Variants in AP2S1 observed in about 807,000 individuals in gnomAD.
AP2S1 encodes adaptor related protein complex 2 subunit sigma 1.
A neutral mutation model predicts 21.0 loss-of-function variants in AP2S1; 6 were observed. The ratio of observed to expected loss-of-function variants is 0.29; its 90% CI spans 0.16 to 0.56. The LOEUF (loss-of-function observed/expected upper bound fraction) is 0.56. Ranked by LOEUF, AP2S1 falls within the 20% of genes least tolerant of loss-of-function variation. AP2S1 has a pLI of 0.92. For missense variants in AP2S1, 60 were observed against 186.2 expected, an observed-to-expected ratio of 0.32 and a Z score of 3.95; for synonymous variants, 63 against 74.6, an observed-to-expected ratio of 0.84 and a Z score of 0.80.
At chr19:46,850,723 C>A in intron 1 of AP2S1, 41 bp downstream of exon 1, 1 of 1,480,068 alleles carries the variant, frequency 6.8e-7, no homozygotes, top group Non-Finnish European at 9.4e-7. Flanking sequence ...TACGCGTGGG[C>A]CCCCCCTCCG....
At chr19:46,845,792 TA>T (rs2055621112) in intron 2 of AP2S1, 200 bp downstream of exon 2, 3 of 625,332 alleles carry the variant, frequency 4.8e-6, no homozygotes, top group Non-Finnish European at 8.2e-6. Flanking sequence ...TTCATTGTAC[TA>T]ATCTGTATGT....
chr19:46,842,602 C>G (rs1357527938), intron 2 of AP2S1, among the ~76,000 whole-genome samples: 1 of 152,150 alleles, frequency 6.6e-6, no homozygotes, highest in Non-Finnish European at 1.5e-5. Context: ...GACTTTCCGG[C>G]TGCCCCTGTA....
intron 2 of AP2S1, among the ~76,000 whole-genome samples, chr19:46,843,228 G>A (rs1361636031): frequency 6.6e-6 from 1 of 152,018 alleles, no homozygotes; most frequent in Non-Finnish European, 1.5e-5. Context: ...AACGCTCCTG[G>A]CCACACCGAC....
Position 46,839,447 on chromosome 19 carries a change from AT to A in AP2S1, c.267+17del. 6.4e-7 allele frequency: 1 copy of A among 1,572,640 alleles called. No homozygotes were observed. Reference sequence around the variant, plus strand: ...CTGCCCACCCGCCTCCCCACCTTACATCCCTCTCCCGCCGTACCTCCACGAA... The same window carrying A: ...CTGCCCACCCGCCTCCCCACCTTACACCCTCTCCCGCCGTACCTCCACGAA... On this transcript the variant is annotated intron_variant, in intron 3 of 4. Transcript: ENST00000263270.
At chr19:46,847,671 A>G (rs2055661160) in intron 1 of AP2S1, among the ~76,000 whole-genome samples, 2 of 151,970 alleles carry the variant, frequency 1.3e-5, no homozygotes, top group African/African-American at 4.8e-5. Context: ...TGTTCTGGAC[A>G]TTGTATATGA....
chr19:46,841,553 G>T (rs1027121435), intron 2 of AP2S1, among the ~76,000 whole-genome samples: 2 of 152,146 alleles, frequency 1.3e-5, no homozygotes, highest in Admixed American at 1.3e-4. Flanking sequence ...CCCCACCCCT[G>T]CCCTGCCCCA....
intron 2 of AP2S1, among the ~76,000 whole-genome samples, chr19:46,843,727 GA>G (rs1001455776): frequency 2.7e-5 from 4 of 150,576 alleles, no homozygotes; most frequent in South Asian, 2.1e-4. Context: ...CACCTGAAAA[GA>G]AAAAAAAATT....
chr19:46,845,456 TAAA>T (rs1200401004), intron 2 of AP2S1, among the ~76,000 whole-genome samples: 1 of 151,268 alleles, frequency 6.6e-6, no homozygotes, highest in Non-Finnish European at 1.5e-5. Flanking sequence ...TTCAATCAAA[TAAA>T]AAATAAAGAC....
intron 1 of AP2S1, 88 bp downstream of exon 1, chr19:46,850,676 A>T: frequency 8.3e-7 from 1 of 1,200,518 alleles, no homozygotes; most frequent in Non-Finnish European, 1.2e-6. Context: ...CGCGGCAGAG[A>T]AGGGACTTGT....
rs1161757429 is a variant in AP2S1 at position 46,838,669 on chromosome 19, G to C, written c.327+71C>G. On this transcript the variant is annotated intron_variant, in intron 4 of 4. Transcript: ENST00000263270. This position sits in a 1 kb window ranked among gnomAD's most constrained non-coding sequence, Gnocchi z 4.1. ...CAGACCTCAGCAGAGGCTCCGGGTG[G>C]CTAGTGCACCACGGGTCCCCCCCGT... The C allele has an allele frequency of 6.3e-7, 1 of 1,575,746 alleles. No homozygotes were observed. Among genetic ancestry groups the C allele is most frequent in the Non-Finnish European group, 8.7e-7 (1 of 1,146,710 alleles).
chr19:46,842,348 T>C (rs928098751), intron 2 of AP2S1, among the ~76,000 whole-genome samples: 1 of 152,072 alleles, frequency 6.6e-6, no homozygotes, highest in Non-Finnish European at 1.5e-5. Context: ...CTACTGTGGT[T>C]GTCACTGTCT....
chr19:46,843,346 G>A (rs75330788), intron 2 of AP2S1, among the ~76,000 whole-genome samples: 152 of 152,248 alleles, frequency 1.0e-3, no homozygotes, highest in Non-Finnish European at 1.5e-3. Context: ...GCCTCAAGTC[G>A]GCCAATGGCC....
chr19:46,850,728 C>G (rs749474537), intron 1 of AP2S1, 36 bp downstream of exon 1: 6 of 1,526,510 alleles, frequency 3.9e-6, no homozygotes, highest in South Asian at 2.2e-5. Context: ...GTGGGCCCCC[C>G]CTCCGCCAGT....
At chr19:46,849,025 T>C (rs1434350289) in intron 1 of AP2S1, among the ~76,000 whole-genome samples, 1 of 142,844 alleles carries the variant, frequency 7.0e-6, no homozygotes, top group Non-Finnish European at 1.5e-5. Flanking sequence ...TTTTTTTTTT[T>C]TTTTTGAGAC....
chr19:46,846,034 C>G lies in AP2S1; in HGVS notation c.112G>C (p.Val38Leu), dbSNP rs1258807182. Reference sequence around the variant, plus strand: ...TGTTTGGCGTCTCGGACGGTGACCACGGCATGCACCTCCTCGATCAGCTTC... The same window carrying G: ...TGTTTGGCGTCTCGGACGGTGACCAGGGCATGCACCTCCTCGATCAGCTTC... ...KQKLIEEVHA[V>L]VTVRDAKHTN... The change falls in exon 2 of 5, where the codon GTG becomes CTG. Residue 38 changes from valine to leucine, a missense_variant. Val to Leu is a conservative substitution (Grantham distance 32). Coordinates refer to ENST00000263270, the MANE Select transcript of AP2S1 (RefSeq NM_004069.6). 6.2e-7 allele frequency: 1 copy of G among 1,614,070 alleles called. No homozygotes were observed. The highest frequency in any genetic ancestry group is 1.7e-5 in the Admixed American group (1 of 59,998).
chr19:46,847,473 C>T (rs1201534559), intron 1 of AP2S1, among the ~76,000 whole-genome samples: 2 of 152,096 alleles, frequency 1.3e-5, no homozygotes, highest in African/African-American at 2.4e-5. Context: ...CCACCTCATC[C>T]CCCCAAAGTG....
chr19:46,848,666 T>C (rs1450788217), intron 1 of AP2S1, among the ~76,000 whole-genome samples: 6 of 152,162 alleles, frequency 3.9e-5, no homozygotes, highest in African/African-American at 1.4e-4. Context: ...TGACCCCAAC[T>C]TGTGGGAGCC....
At chr19:46,839,295 AAAAAAAAAAAAAAAAAAAAAAAGAAAAAG>A (rs59547684) in intron 3 of AP2S1, among the ~76,000 whole-genome samples, 141 bp downstream of exon 3, 2,033 of 47,010 alleles carry the variant, frequency 0.043, 67 homozygotes, top group African/African-American at 0.19. Context: ...TCAAAAAAAA[AAAAAAAAAAAAAAAAAAAAAAAGAAAAAG>A]AAAAAAAAGA....
Position 46,838,270 on chromosome 19 carries a change from A to G in AP2S1, c.*177T>C. On this transcript the variant is annotated 3_prime_UTR_variant, in exon 5 of 5. Transcript: ENST00000263270. This position sits in a 1 kb window ranked among gnomAD's most constrained non-coding sequence, Gnocchi z 4.1. ...GGGACACACACGGTGGCCTCTGCCCACAGCCAGGGCCCAGAGGCAGTGGGG... is the reference window on the plus strand; with the variant it reads ...GGGACACACACGGTGGCCTCTGCCCGCAGCCAGGGCCCAGAGGCAGTGGGG... The G allele has an allele frequency of 1.6e-6, 1 of 618,894 alleles. No individual in the cohort carries two copies. 38.3% of individuals were successfully genotyped at this position (618,894 alleles called of 1,614,324 possible).
Sources: gnomAD v4.1 joint callset for allele counts (sites outside exome capture counted in the v4.1 genomes callset) on GRCh38, gnomAD v4.1.1 for gene constraint, Gnocchi (gnomAD v3.1) non-coding constraint, MANE v1.5 for transcripts, NCBI Gene and HGNC (gene_info 2026-07-23, HGNC 2026-07-21) for gene names.